SLC25A12: variants seen among roughly 807,000 people sequenced by gnomAD.
SLC25A12 encodes electrogenic aspartate/glutamate antiporter SLC25A12, mitochondrial.
SLC25A12 carries 32 observed loss-of-function variants against 83.3 expected under a neutral mutation model. The observed-to-expected ratio is 0.38, with a 90% CI of 0.29 to 0.52. The LOEUF is 0.52. Ranked by LOEUF, SLC25A12 falls within the 20% of genes least tolerant of loss-of-function variation. SLC25A12 has a pLI of 0.84. For synonymous variants in SLC25A12, 267 were observed against 291.1 expected (o/e 0.92, Z 0.84); for missense variants, 611 against 835.6 (o/e 0.73, Z 3.31).
Position 171,813,478 on chromosome 2 carries a change from C to T in SLC25A12, c.1032G>A (p.Val344=). The change falls in exon 11 of 18, where the codon GTG becomes GTA. Residue 344 remains valine (V), a synonymous_variant. Coordinates refer to ENST00000422440, the MANE Select transcript of SLC25A12 (RefSeq NM_003705.5). The part of the protein sequence containing the change: ...SVAGAVGATA[V]YPIDLVKTRM... The stretch of plus-strand genomic sequence containing the variant: ...GGGTCTTCACCAGATCTATAGGATA[C>T]ACTGCAGTGGCTCCCACAGCTACAA... The T allele has an allele frequency of 6.2e-7, 1 of 1,613,998 alleles. No individual in the cohort carries two copies. The highest frequency in any genetic ancestry group is 8.5e-7 in the Non-Finnish European group (1 of 1,179,932).
At chr2:171,856,063 G>A in intron 3 of SLC25A12, 114 bp from the exon 4 acceptor site, 1 of 726,662 alleles carries the variant, frequency 1.4e-6, no homozygotes, top group South Asian at 1.5e-5. Context: ...TTGATAAAGG[G>A]TAGTTTGTTT....
At chr2:171,836,404 C>G (rs1193547782) in intron 6 of SLC25A12, among the ~76,000 whole-genome samples, 1 of 152,198 alleles carries the variant, frequency 6.6e-6, no homozygotes, top group African/African-American at 2.4e-5. Context: ...TTTCACCACT[C>G]TATGTGAGGA....
chr2:171,844,532 A>T lies in SLC25A12; in HGVS notation c.326-24T>A, dbSNP rs761028223. ...TTCTTAAAAGGGAAAACAAAAATAA[A>T]TCAATTATATCTGGAATAAGTAGTT... On this transcript the variant is annotated intron_variant, in intron 4 of 17. Transcript: ENST00000422440. 2.7e-6 allele frequency: 4 copies of T among 1,461,140 alleles called. No individual in the cohort carries two copies. In the Admixed American group the frequency reaches 5.0e-5, roughly 18 times the overall value. The allele number at this position is 1,461,140 out of a possible 1,614,324, so 90.5% of individuals were successfully genotyped here.
At chr2:171,796,027 C>T (rs1454240380) in intron 13 of SLC25A12, among the ~76,000 whole-genome samples, 1 of 152,180 alleles carries the variant, frequency 6.6e-6, no homozygotes, top group Non-Finnish European at 1.5e-5. Flanking sequence ...TCACTGCAAC[C>T]TCAACCTCCC....
intron 3 of SLC25A12, among the ~76,000 whole-genome samples, chr2:171,857,439 CTTTGGGAGGCTGAGGCAGGCAGAT>C (rs1685070312): frequency 6.6e-6 from 1 of 152,106 alleles, no homozygotes; most frequent in Admixed American, 6.5e-5. Flanking sequence ...AATGCCAGCA[CTTTGGGAGGCTGAGGCAGGCAGAT>C]CACTTGAGCT....
At chr2:171,844,160 G>A (rs1452096931) in intron 5 of SLC25A12, among the ~76,000 whole-genome samples, 1 of 152,152 alleles carries the variant, frequency 6.6e-6, no homozygotes, top group Admixed American at 6.6e-5. Flanking sequence ...AAAAGTAGAA[G>A]TGCTTTACTA....
At position 171,793,722 on chromosome 2, in the gene SLC25A12, T is replaced by G; in HGVS notation, c.1351A>C (p.Lys451Gln). 6.2e-7 allele frequency: 1 copy of G among 1,614,180 alleles called. No individual in the cohort carries two copies. Residue 451 changes from lysine to glutamine, a missense_variant, in exon 14 of 18, where the codon AAG (lysine) becomes CAG (glutamine). Physicochemically the swap from Lys to Gln is moderately conservative, Grantham distance 53 (BLOSUM62 1). Transcript: ENST00000422440. The stretch of plus-strand genomic sequence containing the variant: ...TCTCCAGCTACTTGCAGACGAATCT[T>G]CACTATCTCCAATGGGTTGGTAAAA... ...VIFTNPLEIV[K>Q]IRLQVAGEIT...
At position 171,849,402 on chromosome 2, in the gene SLC25A12, A is replaced by G. The variant is rs191311492; in HGVS notation, c.326-4894T>C. Reference sequence around the variant, plus strand: ...TGCAATATCCGAAAGCAACACCAAGAAAAAAAAAAATCAAAAAATCTTCCT... The same window carrying G: ...TGCAATATCCGAAAGCAACACCAAGGAAAAAAAAAATCAAAAAATCTTCCT... On this transcript the variant is annotated intron_variant, in intron 4 of 17. Transcript: ENST00000422440. Among the ~76,000 whole-genome samples the G allele has an allele frequency of 1.7e-3, 239 of 144,370 alleles. 1 individual carries two copies. The highest frequency in any genetic ancestry group is 6.3e-3 in the African/African-American group (233 of 37,244). 94.7% of individuals were successfully genotyped at this position (144,370 alleles called of 152,430 possible). A position where few individuals can be genotyped will look rare whatever the true frequency, so the allele number is the denominator to read the frequency against.
At chr2:171,866,325 C>T (rs1332833095) in intron 3 of SLC25A12, among the ~76,000 whole-genome samples, 3 of 139,798 alleles carry the variant, frequency 2.1e-5, no homozygotes, top group Admixed American at 7.0e-5. Context: ...GTCATCATGG[C>T]CCGTTCTCAA....
intron 6 of SLC25A12, among the ~76,000 whole-genome samples, chr2:171,836,739 G>A (rs140696565): frequency 9.9e-4 from 151 of 152,252 alleles, no homozygotes; most frequent in Middle Eastern, 3.4e-3. Context: ...AGTAGTGTCT[G>A]GGAGAGTTAC....
At chr2:171,849,345 T>TA (rs71013080) in intron 4 of SLC25A12, among the ~76,000 whole-genome samples, 37,208 of 138,456 alleles carry the variant, frequency 0.27, 5,618 homozygotes, top group South Asian at 0.4. Context: ...CCTTGAGTAC[T>TA]AAAAAAAAAA....
intron 4 of SLC25A12, among the ~76,000 whole-genome samples, chr2:171,845,214 T>C (rs1684768113): frequency 6.6e-6 from 1 of 152,180 alleles, no homozygotes; most frequent in African/African-American, 2.4e-5. Context: ...AGATAGGAAC[T>C]AGTCACACTG....
intron 2 of SLC25A12, among the ~76,000 whole-genome samples, chr2:171,880,293 AT>A (rs1685663547): frequency 6.6e-6 from 1 of 151,100 alleles, no homozygotes; most frequent in Non-Finnish European, 1.5e-5. Flanking sequence ...ATCATATTTT[AT>A]TTTTTTGAGA....
At chr2:171,820,113 A>G (rs569246731) in intron 9 of SLC25A12, among the ~76,000 whole-genome samples, 1 of 152,286 alleles carries the variant, frequency 6.6e-6, no homozygotes, top group African/African-American at 2.4e-5. Flanking sequence ...AGAAAAGATA[A>G]CTATCGGGTA....
intron 9 of SLC25A12, among the ~76,000 whole-genome samples, chr2:171,823,104 G>A (rs1440351149): frequency 6.6e-6 from 1 of 152,162 alleles, no homozygotes; most frequent in African/African-American, 2.4e-5. Context: ...GCCTTACAAT[G>A]CCTCATAAAC....
intron 4 of SLC25A12, among the ~76,000 whole-genome samples, chr2:171,850,885 T>C (rs1007030938): frequency 3.9e-5 from 6 of 152,238 alleles, no homozygotes; most frequent in Admixed American, 3.3e-4. Flanking sequence ...GCCTAACCCA[T>C]CCCAATTTAT....
At chr2:171,890,694 GT>G (rs1431262174) in intron 2 of SLC25A12, among the ~76,000 whole-genome samples, 1 of 152,128 alleles carries the variant, frequency 6.6e-6, no homozygotes, top group Non-Finnish European at 1.5e-5. Flanking sequence ...TATTGCTCAG[GT>G]TGGTCTTGAA....
At chr2:171,813,210 AAT>A in intron 11 of SLC25A12, 127 bp downstream of exon 11, 1 of 909,406 alleles carries the variant, frequency 1.1e-6, no homozygotes, top group Non-Finnish European at 1.8e-6. Flanking sequence ...GCAAAGAGAA[AAT>A]AAAAAGAGAG....
At chr2:171,828,677 C>T (rs1266150473) in intron 8 of SLC25A12, among the ~76,000 whole-genome samples, 9 of 152,172 alleles carry the variant, frequency 5.9e-5, no homozygotes, top group Admixed American at 3.9e-4. Flanking sequence ...TCTACCTTTC[C>T]CCCCTTGAGA....
Sources: gnomAD v4.1 joint callset for allele counts (sites outside exome capture counted in the v4.1 genomes callset) on GRCh38, gnomAD v4.1.1 for gene constraint, MANE v1.5 for transcripts, NCBI Gene and HGNC (gene_info 2026-07-23, HGNC 2026-07-21) for gene names.